TTC27: variants seen among roughly 807,000 people sequenced by gnomAD.
The protein encoded by TTC27 is tetratricopeptide repeat domain 27.
TTC27 carries 79 observed loss-of-function variants against 115.9 expected under a neutral mutation model. The observed-to-expected ratio is 0.68, with a 90% CI of 0.57 to 0.82. The LOEUF is 0.82. Ranked by LOEUF, TTC27 falls within the 40% of genes least tolerant of loss-of-function variation. The pLI is 0.00. For synonymous variants in TTC27, 401 were observed against 356.0 expected, an observed-to-expected ratio of 1.13 and a Z score of -1.42; for missense variants, 1,054 against 993.1, an observed-to-expected ratio of 1.06 and a Z score of -0.82.
intron 10 of TTC27, among the ~76,000 whole-genome samples, chr2:32,729,781 C>CT (rs1380043320): frequency 1.3e-5 from 2 of 152,016 alleles, no homozygotes; most frequent in East Asian, 1.9e-4. Context: ...TCAAACTGCC[C>CT]TTAATGATTG....
intron 12 of TTC27, among the ~76,000 whole-genome samples, chr2:32,743,397 C>T (rs1269777356): frequency 6.6e-6 from 1 of 152,126 alleles, no homozygotes; most frequent in East Asian, 1.9e-4. Flanking sequence ...TACCCCAAAC[C>T]CAAGGCTTCA....
chr2:32,752,720 A>C (rs532497474), intron 12 of TTC27, among the ~76,000 whole-genome samples: 3 of 152,154 alleles, frequency 2.0e-5, no homozygotes, highest in African/African-American at 7.2e-5. Context: ...TAAGCAAAGT[A>C]GCGCTAGTCT....
intron 16 of TTC27, among the ~76,000 whole-genome samples, chr2:32,802,445 C>G (rs1267617543): frequency 1.3e-5 from 2 of 152,116 alleles, no homozygotes; most frequent in East Asian, 3.8e-4. Flanking sequence ...CTCTGGTGCT[C>G]TTTTTGTAGT....
In TTC27 at chr2:32,731,299, G is replaced by T. The variant is rs12999990; in HGVS notation, c.1234-2529G>T. 2.9e-3 allele frequency among the ~76,000 whole-genome samples: 447 copies of T among 152,138 alleles called. 4 individuals are homozygous for T. The highest frequency in any genetic ancestry group is 0.025 in the South Asian group (122 of 4,814). Reference sequence around the variant, plus strand: ...ACACGGGGTTTCACCATGTTGGCCAGGCTGGTTTTGAATTCCTGATCCGCC... The same window carrying T: ...ACACGGGGTTTCACCATGTTGGCCATGCTGGTTTTGAATTCCTGATCCGCC... On this transcript the variant is annotated intron_variant, in intron 10 of 19. Transcript: ENST00000317907.
chr2:32,722,921 C>T lies in TTC27; in HGVS notation c.1234-10907C>T, dbSNP rs777129505. ...GGCCAAGAAAGGGGGCTGCCAAGAG[C>T]GACACTGATGGGCTGAATCCAGGAT... On this transcript the variant is annotated intron_variant, in intron 10 of 19. Coordinates refer to ENST00000317907, the MANE Select transcript of TTC27 (RefSeq NM_017735.5). Among the ~76,000 whole-genome samples the T allele has an allele frequency of 7.9e-5, 12 of 152,084 alleles. No homozygotes were observed. The East Asian group carries it at 9.7e-4, about 12-fold the overall frequency.
At chr2:32,768,620 A>C (rs548304201) in intron 13 of TTC27, among the ~76,000 whole-genome samples, 6 of 152,352 alleles carry the variant, frequency 3.9e-5, no homozygotes, top group South Asian at 2.1e-4. Context: ...AACCCTGTAG[A>C]TGTGGGAGCC....
chr2:32,698,193 G>A (rs1667058141), intron 9 of TTC27, among the ~76,000 whole-genome samples: 1 of 152,108 alleles, frequency 6.6e-6, no homozygotes, highest in Non-Finnish European at 1.5e-5. Flanking sequence ...GAGTGCAGTA[G>A]TGTGATCATG....
chr2:32,777,845 T>C (rs1235401360), intron 13 of TTC27, 37 bp from the exon 14 acceptor site: 1 of 1,593,510 alleles, frequency 6.3e-7, no homozygotes, highest in Non-Finnish European at 8.6e-7. Flanking sequence ...TAAATGTTTC[T>C]GTGTGTTTGA....
At chr2:32,776,976 A>G (rs1340223851) in intron 13 of TTC27, among the ~76,000 whole-genome samples, 2 of 151,018 alleles carry the variant, frequency 1.3e-5, no homozygotes, top group East Asian at 1.9e-4. Context: ...ATTATGATGT[A>G]CAGATTTTTT....
chr2:32,724,707 A>C (rs984291075), intron 10 of TTC27, among the ~76,000 whole-genome samples: 1 of 152,222 alleles, frequency 6.6e-6, no homozygotes, highest in Non-Finnish European at 1.5e-5. Flanking sequence ...GACTATTGAC[A>C]GATGAACTGA....
chr2:32,710,046 C>T (rs1452253920), intron 10 of TTC27, among the ~76,000 whole-genome samples: 5 of 152,126 alleles, frequency 3.3e-5, no homozygotes, highest in Non-Finnish European at 4.4e-5. Flanking sequence ...TAGGAGGTCT[C>T]GCTCTCTCAC....
At chr2:32,668,139 C>A (rs530910729) in intron 7 of TTC27, among the ~76,000 whole-genome samples, 1 of 151,280 alleles carries the variant, frequency 6.6e-6, no homozygotes. Flanking sequence ...TGCAGTGAGC[C>A]GAGATCATGC....
chr2:32,652,653 A>G (rs571237041), intron 5 of TTC27, among the ~76,000 whole-genome samples: 2 of 152,318 alleles, frequency 1.3e-5, no homozygotes, highest in Admixed American at 1.3e-4. Context: ...TAGTCATAAA[A>G]TGGTCCATTT....
In TTC27 at chr2:32,723,971, C is replaced by CTTTTTTTTTTTTTTTTT. The variant is rs36120062; in HGVS notation, c.1234-9856_1234-9840dup. Among the ~76,000 whole-genome samples, 333 of 92,390 alleles carry CTTTTTTTTTTTTTTTTT rather than the reference C, an allele frequency of 3.6e-3. 43 individuals are homozygous for CTTTTTTTTTTTTTTTTT. Among genetic ancestry groups the CTTTTTTTTTTTTTTTTT allele is most frequent in the South Asian group, 6.4e-3 (13 of 2,034 alleles). The allele number at this position is 92,390 out of a possible 152,430, so 60.6% of individuals were successfully genotyped here. On this transcript the variant is annotated intron_variant, in intron 10 of 19. Transcript: ENST00000317907. ...TGAGCCACCAGCTGGCATACATAAGCTTTTTTTTTTTTTTTTTATAGAAAG... is the reference window on the plus strand; with the variant it reads ...TGAGCCACCAGCTGGCATACATAAGCTTTTTTTTTTTTTTTTTTTTTTTTTTTTTTTTTTATAGAAAG...
intron 10 of TTC27, among the ~76,000 whole-genome samples, chr2:32,703,814 A>C (rs1667272392): frequency 6.6e-6 from 1 of 152,232 alleles, no homozygotes; most frequent in Non-Finnish European, 1.5e-5. Flanking sequence ...TCAATGTCTT[A>C]GTCTGTTTGT....
chr2:32,698,482 CTT>C (rs376008254), intron 9 of TTC27, among the ~76,000 whole-genome samples: 9 of 124,648 alleles, frequency 7.2e-5, no homozygotes, highest in Admixed American at 1.7e-4. Flanking sequence ...AACATGTTGT[CTT>C]TTTTTTTTTT....
At chr2:32,708,385 C>G (rs1404753550) in intron 10 of TTC27, among the ~76,000 whole-genome samples, 5 of 137,424 alleles carry the variant, frequency 3.6e-5, no homozygotes, top group Non-Finnish European at 7.6e-5. Flanking sequence ...AATCTTGGCT[C>G]ACTACATTCT....
chr2:32,681,972 G>T (rs28562135), intron 9 of TTC27, among the ~76,000 whole-genome samples: 1 of 74,936 alleles, frequency 1.3e-5, no homozygotes. Context: ...TTATATATAT[G>T]TATATATATG....
intron 9 of TTC27, among the ~76,000 whole-genome samples, chr2:32,693,962 CA>C (rs1195780607): frequency 6.6e-6 from 1 of 152,104 alleles, no homozygotes; most frequent in Non-Finnish European, 1.5e-5. Context: ...AAATGAACAA[CA>C]AAACAGCAAA....
Sources: gnomAD v4.1 joint callset for allele counts (sites outside exome capture counted in the v4.1 genomes callset) on GRCh38, gnomAD v4.1.1 for gene constraint, MANE v1.5 for transcripts, NCBI Gene and HGNC (gene_info 2026-07-23, HGNC 2026-07-21) for gene names.